Variants in DSG1 observed in about 807,000 individuals in gnomAD.
DSG1 encodes desmoglein-1.
In DSG1, 39 loss-of-function variants were observed where a neutral mutation model predicts 97.5. That is an observed-to-expected ratio of 0.40 (90% CI 0.31 to 0.52). DSG1 has a LOEUF of 0.52. Ranked by LOEUF, DSG1 falls within the 20% of genes least tolerant of loss-of-function variation. The pLI, the probability that DSG1 is intolerant of heterozygous loss-of-function variation, is 0.53. For missense variants in DSG1, 1,311 were observed against 1,295.4 expected (o/e 1.01, Z -0.18); for synonymous variants, 475 against 443.4 (o/e 1.07, Z -0.90).
intron 14 of DSG1, among the ~76,000 whole-genome samples, chr18:31,351,218 C>T (rs1465781610): frequency 2.7e-5 from 4 of 148,820 alleles, no homozygotes; most frequent in Non-Finnish European, 4.4e-5. Flanking sequence ...GCCTTCATTT[C>T]GTTATGTACC....
Position 31,343,951 on chromosome 18 carries a change from T to C in DSG1, c.1847T>C (p.Ile616Thr). The change falls in exon 13 of 15, where the codon ATA becomes ACA. Residue 616 changes from isoleucine (I) to threonine (T), a missense_variant. Around this residue, in one of 3 missense-constraint regions of DSG1, gnomAD observed 1,038 missense variants for 964.6 expected, o/e 1.08. Transcript: ENST00000257192. ...PRDITTVIPQ[I>T]PPDNANIIEC... ...GATATAACCACTGTCATACCACAAA[T>C]ACCACCTGATAACGCAAATATAATT... 2 of 1,613,282 alleles carry C rather than the reference T, an allele frequency of 1.2e-6. No individual in the cohort carries two copies. The highest frequency in any genetic ancestry group is 2.2e-5 in the South Asian group (2 of 91,060).
chr18:31,326,110 A>G (rs1191200081), intron 1 of DSG1, among the ~76,000 whole-genome samples: 1 of 151,970 alleles, frequency 6.6e-6, no homozygotes, highest in Non-Finnish European at 1.5e-5. Context: ...TGAATTATCT[A>G]TTGTGGCAAT....
intron 6 of DSG1, among the ~76,000 whole-genome samples, chr18:31,332,384 A>T (rs887466722): frequency 6.6e-6 from 1 of 152,114 alleles, no homozygotes; most frequent in Admixed American, 6.6e-5. Flanking sequence ...TCACCCATTC[A>T]TTTACTTTGG....
intron 2 of DSG1, 124 bp downstream of exon 2, chr18:31,326,740 A>T: frequency 7.6e-7 from 1 of 1,315,620 alleles, no homozygotes; most frequent in Non-Finnish European, 1.1e-6. Flanking sequence ...AAATTAATAG[A>T]TTACCAAAAT....
intron 12 of DSG1, 46 bp from the exon 13 acceptor site, chr18:31,343,880 T>C (rs756362610): frequency 2.1e-6 from 3 of 1,454,818 alleles, no homozygotes; most frequent in South Asian, 1.1e-5. Flanking sequence ...AGAAAGATTA[T>C]AGTCATTGGT....
Position 31,357,690 on chromosome 18 carries a change from A to T in DSG1, c.*2344A>T, listed in dbSNP as rs1457323604. ...TCCTAAACACTGTTAAACGATGGGAAAAACAAGAAAAAACATGGCCATTTG... is the reference window on the plus strand; with the variant it reads ...TCCTAAACACTGTTAAACGATGGGATAAACAAGAAAAAACATGGCCATTTG... On this transcript the variant is annotated 3_prime_UTR_variant, in exon 15 of 15. Coordinates refer to ENST00000257192, the MANE Select transcript of DSG1 (RefSeq NM_001942.4). Among the ~76,000 whole-genome samples the T allele has an allele frequency of 1.3e-5, 2 of 152,000 alleles. No individual in the cohort carries two copies. Among genetic ancestry groups the T allele is most frequent in the African/African-American group, 2.4e-5 (1 of 41,444 alleles).
Position 31,339,934 on chromosome 18 carries a change from C to T in DSG1, c.1596C>T (p.Pro532=), listed in dbSNP as rs1323023104. The part of the protein sequence containing the change: ...TDSSQVYSSE[P]GNGAKDLLSD... ...CTAGCCAAGTATATTCTTCTGAACC[C>T]GGAAACGGAGCCAAAGATTTGTTAT... is the stretch of plus-strand genomic sequence containing the variant. Residue 532 remains proline (P), a synonymous_variant, in exon 11 of 15, where the codon CCC becomes CCT. Coordinates refer to ENST00000257192, the MANE Select transcript of DSG1 (RefSeq NM_001942.4). The T allele has an allele frequency of 5.0e-6, 8 of 1,613,860 alleles. No individual in the cohort carries two copies. The highest frequency in any genetic ancestry group is 2.7e-5 in the African/African-American group (2 of 74,894).
chr18:31,340,078 A>G lies in DSG1; in HGVS notation c.1687+53A>G. The G allele has an allele frequency of 1.9e-6, 3 of 1,548,482 alleles. No individual in the cohort carries two copies. The South Asian group carries it at 3.5e-5, about 18-fold the overall frequency. ...TGTGTCCCCCAAAAAATGCTGGGGG[A>G]GGAGTTAAGTTTTCTGATTCTTTGA... is the stretch of plus-strand genomic sequence containing the variant. On this transcript the variant is annotated intron_variant, in intron 11 of 14. Transcript: ENST00000257192.
In DSG1 at chr18:31,358,118, CA is replaced by C. The variant is rs1160431560; in HGVS notation, c.*2776del. Among the ~76,000 whole-genome samples, 1 of 151,656 alleles carries C rather than the reference CA, an allele frequency of 6.6e-6. No individual in the cohort carries two copies. The highest frequency in any genetic ancestry group is 1.5e-5 in the Non-Finnish European group (1 of 67,782). On this transcript the variant is annotated 3_prime_UTR_variant, in exon 15 of 15. Coordinates refer to ENST00000257192, the MANE Select transcript of DSG1 (RefSeq NM_001942.4). ...GAGTTTCAGATCAACTTGCTCTTAA[CA>C]AAAGGAAAAAGAAATAGTAATTTAA...
rs2071734062 is a variant in DSG1 at position 31,333,644 on chromosome 18, A to G, written c.740A>G (p.Asp247Gly). The change falls in exon 7 of 15, where the codon GAT becomes GGT. Residue 247 changes from aspartate (D) to glycine (G), a missense_variant. By Grantham distance (94) the Asp-to-Gly change is moderately conservative. Coordinates refer to ENST00000257192, the MANE Select transcript of DSG1 (RefSeq NM_001942.4). ...GGCTCTGACCGAGATGGCGGGGCAGATGGCATGTCAGCGGAATGTGAGTGC... is the reference window on the plus strand; with the variant it reads ...GGCTCTGACCGAGATGGCGGGGCAGGTGGCATGTCAGCGGAATGTGAGTGC... ...VRGSDRDGGA[D>G]GMSAECECNI... The G allele has an allele frequency of 6.2e-7, 1 of 1,613,932 alleles. No individual in the cohort carries two copies. The highest frequency in any genetic ancestry group is 1.3e-5 in the African/African-American group (1 of 75,044).
chr18:31,325,371 C>A (rs11663676), intron 1 of DSG1, among the ~76,000 whole-genome samples: 2 of 152,000 alleles, frequency 1.3e-5, no homozygotes, highest in African/African-American at 2.4e-5. Context: ...GATAACAGAT[C>A]CATGCACAAT....
Position 31,334,042 on chromosome 18 carries a change from C to T in DSG1, c.845C>T (p.Thr282Ile). The T allele has an allele frequency of 6.2e-7, 1 of 1,609,218 alleles. No homozygotes were observed. The change falls in exon 8 of 15, where the codon ACT becomes ATT. Residue 282 changes from threonine to isoleucine, a missense_variant. By Grantham distance (89) the Thr-to-Ile change is moderately conservative. This residue lies in a region of DSG1 where 1,038 missense variants were observed against 964.6 expected (regional missense o/e 1.08). Transcript: ENST00000257192. ...TATACCATAGAAATTCAAGAAAATA[C>T]TCTAAATTCAAATTTGCTCGAGATT... ...SSYTIEIQEN[T>I]LNSNLLEIRV...
At chr18:31,318,895 C>G (rs1048797397) in intron 1 of DSG1, among the ~76,000 whole-genome samples, 1 of 151,942 alleles carries the variant, frequency 6.6e-6, no homozygotes, top group Non-Finnish European at 1.5e-5. Context: ...TAAAAAGCCC[C>G]GCACTATTTA....
Position 31,359,181 on chromosome 18 carries a change from C to G in DSG1, c.*3835C>G, listed in dbSNP as rs892926280. ...CTAGTTTCTTGCTTGGTTATCTGTT[C>G]GTTTTTTTAAGTTGATTTGTAATTT... On this transcript the variant is annotated 3_prime_UTR_variant, in exon 15 of 15. Coordinates refer to ENST00000257192, the MANE Select transcript of DSG1 (RefSeq NM_001942.4). 1.3e-5 allele frequency among the ~76,000 whole-genome samples: 2 copies of G among 151,816 alleles called. No individual in the cohort carries two copies. Among genetic ancestry groups the G allele is most frequent in the Non-Finnish European group, 2.9e-5 (2 of 67,922 alleles).
In DSG1 at chr18:31,354,611, T is replaced by C. The variant is rs1246220831; in HGVS notation, c.2415T>C (p.Thr805=). 1 of 1,614,062 alleles carries C rather than the reference T, an allele frequency of 6.2e-7. No individual in the cohort carries two copies. Among genetic ancestry groups the C allele is most frequent in the Admixed American group, 1.7e-5 (1 of 60,008 alleles). The part of the protein sequence containing the change: ...GHPPISPHFG[T]TTVISESTYP... ...CACCAATCTCCCCACATTTCGGCAC[T>C]ACCACAGTAATTTCTGAGAGCACCT... is the stretch of plus-strand genomic sequence containing the variant. The change falls in exon 15 of 15, where the codon ACT becomes ACC. Residue 805 remains threonine, a synonymous_variant. Transcript: ENST00000257192.
In DSG1 at chr18:31,334,040, T is replaced by C; in HGVS notation, c.843T>C (p.Asn281=). The change falls in exon 8 of 15, where the codon AAT becomes AAC. Residue 281 remains asparagine, a synonymous_variant. Coordinates refer to ENST00000257192, the MANE Select transcript of DSG1 (RefSeq NM_001942.4). The stretch of plus-strand genomic sequence containing the variant: ...AGTATACCATAGAAATTCAAGAAAA[T>C]ACTCTAAATTCAAATTTGCTCGAGA... ...QSSYTIEIQE[N]TLNSNLLEIR... is the part of the protein sequence containing the mutation. The C allele has an allele frequency of 3.1e-6, 5 of 1,609,292 alleles. No homozygotes were observed. In the South Asian group the frequency reaches 5.5e-5, roughly 18 times the overall value.
intron 14 of DSG1, among the ~76,000 whole-genome samples, chr18:31,348,547 G>A (rs1366144011): frequency 6.7e-6 from 1 of 150,272 alleles, no homozygotes; most frequent in Non-Finnish European, 1.5e-5. Flanking sequence ...TTGCCACACT[G>A]ACTTCCACCA....
In DSG1 at chr18:31,354,929, C is replaced by T. The variant is rs1354966914; in HGVS notation, c.2733C>T (p.Ile911=). The change falls in exon 15 of 15, where the codon ATC becomes ATT. Residue 911 remains isoleucine (I), a synonymous_variant. Transcript: ENST00000257192. ...CTAGTCTACCCACCTCTCTGACTAT[C>T]CATCATCCTAGAGAGTCTTCAAATG... ...PSSSLPTSLT[I]HHPRESSNVV... is the part of the protein sequence containing the mutation. 1 of 1,614,204 alleles carries T rather than the reference C, an allele frequency of 6.2e-7. No homozygotes were observed. The highest frequency in any genetic ancestry group is 2.2e-5 in the East Asian group (1 of 44,884).
At chr18:31,329,261 A>G (rs1034418717) in intron 4 of DSG1, among the ~76,000 whole-genome samples, 5 of 151,958 alleles carry the variant, frequency 3.3e-5, no homozygotes, top group African/African-American at 1.2e-4. Context: ...ACTTCTTAAT[A>G]TTAAAAATAG....
Sources: gnomAD v4.1 joint callset for allele counts (sites outside exome capture counted in the v4.1 genomes callset) on GRCh38, gnomAD v4.1.1 for gene constraint, gnomAD v4.1.1 regional missense constraint, MANE v1.5 for transcripts, NCBI Gene and HGNC (gene_info 2026-07-23, HGNC 2026-07-21) for gene names.